Variants in PHF12 observed in about 807,000 individuals in gnomAD.
PHF12 encodes the protein PHD finger protein 12.
Under a neutral mutation model 99.8 loss-of-function variants are expected in PHF12, and 6 were observed. The observed-to-expected ratio is 0.06, with a 90% CI of 0.03 to 0.12. The LOEUF (loss-of-function observed/expected upper bound fraction) is 0.12, where lower values mean the gene tolerates loss of function less well. Ranked by LOEUF, PHF12 falls within the 10% of genes least tolerant of loss-of-function variation. The probability of loss-of-function intolerance (pLI) is 1.00; values close to 1 mark genes in which losing one functional copy is unlikely to be tolerated. For synonymous variants in PHF12, 480 were observed against 514.9 expected (o/e 0.93, Z 0.92); for missense variants, 954 against 1,300.1 (o/e 0.73, Z 4.09).
intron 13 of PHF12, 106 bp downstream of exon 13, chr17:28,907,484 A>AC: frequency 9.4e-7 from 1 of 1,063,858 alleles, no homozygotes; most frequent in Non-Finnish European, 1.4e-6. Flanking sequence ...AAAAGAGAGG[A>AC]CCCCCAATCC....
At chr17:28,928,936 T>C (rs1051693364) in intron 2 of PHF12, among the ~76,000 whole-genome samples, 1 of 150,074 alleles carries the variant, frequency 6.7e-6, no homozygotes, top group African/African-American at 2.5e-5. Context: ...TCTCTACTAA[T>C]AATACAAAAA....
In PHF12 at chr17:28,906,844, G is replaced by A; in HGVS notation, c.2680+12C>T. The A allele has an allele frequency of 6.3e-7, 1 of 1,588,868 alleles. No homozygotes were observed. The highest frequency in any genetic ancestry group is 1.2e-5 in the South Asian group (1 of 86,900). The stretch of plus-strand genomic sequence containing the variant: ...CTCAGCTTTGTGGCCACAGATCTCT[G>A]CTCCAACTTACTGATGACACTCTGC... On this transcript the variant is annotated intron_variant, in intron 14 of 14. Transcript: ENST00000332830. The surrounding 1 kb of genome is among the most constrained non-coding windows in gnomAD (Gnocchi z 4.2).
Position 28,906,114 on chromosome 17 carries a change from T to C in PHF12, c.*69A>G. 2 of 1,468,846 alleles carry C rather than the reference T, an allele frequency of 1.4e-6. No individual in the cohort carries two copies. Among genetic ancestry groups the C allele is most frequent in the Non-Finnish European group, 1.8e-6 (2 of 1,093,834 alleles). 91.0% of individuals were successfully genotyped at this position (1,468,846 alleles called of 1,614,324 possible). ...AGTATAGAAAACACCCGGGCTTGGT[T>C]TGTGTACATTTTTGCATTGCAGGAG... On this transcript the variant is annotated 3_prime_UTR_variant, in exon 15 of 15. Coordinates refer to ENST00000332830, the MANE Select transcript of PHF12 (RefSeq NM_001033561.2). This position sits in a 1 kb window ranked among gnomAD's most constrained non-coding sequence, Gnocchi z 4.2.
intron 2 of PHF12, among the ~76,000 whole-genome samples, chr17:28,945,931 C>T (rs907822792): frequency 1.1e-4 from 16 of 152,208 alleles, no homozygotes; most frequent in Middle Eastern, 6.8e-3. Context: ...GTCAGGAGTT[C>T]GAGACCAGCC....
chr17:28,922,877 T>A (rs924244166), intron 4 of PHF12, among the ~76,000 whole-genome samples: 1 of 152,080 alleles, frequency 6.6e-6, no homozygotes, highest in Non-Finnish European at 1.5e-5. Context: ...GAGCACAATT[T>A]GAGACCAGCC....
intron 2 of PHF12, among the ~76,000 whole-genome samples, chr17:28,928,888 G>C (rs1357008682): frequency 1.3e-5 from 2 of 151,920 alleles, no homozygotes; most frequent in Non-Finnish European, 2.9e-5. Context: ...ACGACGTCAG[G>C]AGTTTGAGAA....
At chr17:28,918,570 T>C (rs1395816999) in intron 6 of PHF12, among the ~76,000 whole-genome samples, 1 of 152,228 alleles carries the variant, frequency 6.6e-6, no homozygotes, top group Non-Finnish European at 1.5e-5. Flanking sequence ...AGGCTGCTCT[T>C]ATGAGGGAGC....
intron 12 of PHF12, chr17:28,907,927 T>G (rs1598114642): frequency 2.7e-6 from 1 of 375,898 alleles, no homozygotes; most frequent in Non-Finnish European, 5.0e-6. Flanking sequence ...AAGGGAAGAG[T>G]GAGCTACTGA....
At position 28,927,215 on chromosome 17, in the gene PHF12, A is replaced by T. The variant is rs546987093; in HGVS notation, c.249-152T>A. The T allele has an allele frequency of 2.1e-5, 14 of 665,524 alleles. No individual in the cohort carries two copies. In the South Asian group the frequency reaches 2.5e-4, roughly 12 times the overall value. The allele number at this position is 665,524 out of a possible 1,614,324, so 41.2% of individuals were successfully genotyped here. ...CCTCCAAAATGCCTAAGTCAGCATC[A>T]CTCATAATAACCTAAGGAGTGACCA... is the stretch of plus-strand genomic sequence containing the variant. On this transcript the variant is annotated intron_variant, in intron 2 of 14. Transcript: ENST00000332830.
chr17:28,917,200 G>C (rs117925953), intron 7 of PHF12, 85 bp downstream of exon 7: 36,002 of 1,577,624 alleles, frequency 0.023, 495 homozygotes, highest in Non-Finnish European at 0.027. Flanking sequence ...CAGTTTCCCT[G>C]CCTGTAAAAT....
chr17:28,915,686 A>G (rs963547489), intron 7 of PHF12, among the ~76,000 whole-genome samples: 6 of 152,222 alleles, frequency 3.9e-5, no homozygotes, highest in African/African-American at 7.2e-5. Flanking sequence ...GAAATTCGCA[A>G]CGAAGATACA....
At chr17:28,945,380 T>C (rs2152679263) in intron 2 of PHF12, 1 of 152,306 alleles carries the variant, frequency 6.6e-6, no homozygotes, top group South Asian at 2.1e-4. Flanking sequence ...ACAGAGACCT[T>C]TTTACTCTCA....
chr17:28,909,138 G>A (rs898841461), intron 11 of PHF12: 15 of 420,954 alleles, frequency 3.6e-5, no homozygotes, highest in Admixed American at 2.7e-4. Context: ...TACTGTGTAA[G>A]TTCCTGGGCT....
In PHF12 at chr17:28,924,126, T is replaced by A; in HGVS notation, c.498A>T (p.Thr166=). The change falls in exon 4 of 15, where the codon ACA becomes ACT. Residue 166 remains threonine (T), a synonymous_variant. Coordinates refer to ENST00000332830, the MANE Select transcript of PHF12 (RefSeq NM_001033561.2). ...ILERRASRPG[T]PTSSASTETP... ...TCTCTGTGCTGGCGCTGGATGTGGG[T>A]GTGCCAGGCCTGCTGGCTCTCCTTT... The A allele has an allele frequency of 6.2e-7, 1 of 1,614,220 alleles. No individual in the cohort carries two copies. The highest frequency in any genetic ancestry group is 1.1e-5 in the South Asian group (1 of 91,086).
chr17:28,920,121 C>G (rs1326606223), intron 5 of PHF12, among the ~76,000 whole-genome samples: 2 of 152,154 alleles, frequency 1.3e-5, no homozygotes, highest in African/African-American at 4.8e-5. Context: ...AAGCAGGGTT[C>G]AAAAGAGGAC....
Position 28,924,174 on chromosome 17 carries a change from G to T in PHF12, c.450C>A (p.Ala150=). The change falls in exon 4 of 15, where the codon GCC becomes GCA. Residue 150 remains alanine (A), a synonymous_variant. Coordinates refer to ENST00000332830, the MANE Select transcript of PHF12 (RefSeq NM_001033561.2). ...TTTCCAGGATCCGGGCATGGGCAATGGCCTTTAGTTCAGTTTTGCTGGCCG... is the reference window on the plus strand; with the variant it reads ...TTTCCAGGATCCGGGCATGGGCAATTGCCTTTAGTTCAGTTTTGCTGGCCG... The part of the protein sequence containing the change: ...DRSASKTELK[A]IAHARILERR... The T allele has an allele frequency of 6.2e-7, 1 of 1,614,210 alleles. No homozygotes were observed. Among genetic ancestry groups the T allele is most frequent in the Non-Finnish European group, 8.5e-7 (1 of 1,180,036 alleles).
At position 28,950,020 on chromosome 17, in the gene PHF12, G is replaced by C; in HGVS notation, c.248+45C>G. On this transcript the variant is annotated intron_variant, in intron 2 of 14. Coordinates refer to ENST00000332830, the MANE Select transcript of PHF12 (RefSeq NM_001033561.2). This position sits in a 1 kb window ranked among gnomAD's most constrained non-coding sequence, Gnocchi z 5.7. ...GGCAGGCCGGGTGAAGGAATGCGCA[G>C]AGAAGGGTCCGCCAAGAAGCTCCAA... The C allele has an allele frequency of 6.6e-7, 1 of 1,521,432 alleles. No individual in the cohort carries two copies. The highest frequency in any genetic ancestry group is 1.2e-5 in the South Asian group (1 of 81,818). 94.2% of individuals were successfully genotyped at this position (1,521,432 alleles called of 1,614,324 possible). A position where few individuals can be genotyped will look rare whatever the true frequency, so the allele number is the denominator to read the frequency against.
chr17:28,910,122 G>A (rs911558404), intron 11 of PHF12, 104 bp downstream of exon 11: 6 of 1,515,220 alleles, frequency 4.0e-6, no homozygotes, highest in East Asian at 2.3e-5. Context: ...CACACAAGGA[G>A]GTTTGAGATA....
intron 2 of PHF12, among the ~76,000 whole-genome samples, chr17:28,948,005 A>G (rs1241008223): frequency 6.6e-6 from 1 of 152,206 alleles, no homozygotes; most frequent in East Asian, 1.9e-4. Context: ...TAATTGTTAC[A>G]ACTTGACAAG....
Sources: allele counts gnomAD v4.1 joint callset (sites outside exome capture counted in the v4.1 genomes callset), GRCh38; gene constraint gnomAD v4.1.1; non-coding constraint Gnocchi (gnomAD v3.1); transcripts MANE v1.5; gene names NCBI Gene and HGNC (gene_info 2026-07-23, HGNC 2026-07-21).